The following OR5H14 variants were observed in gnomAD, a reference collection of about 807,000 sequenced individuals.
The protein encoded by OR5H14 is olfactory receptor family 5 subfamily H member 14.
For synonymous variants in OR5H14, 155 were observed against 130.6 expected (o/e 1.19, Z -1.28); for missense variants, 392 against 363.9 (o/e 1.08, Z -0.63).
rs765797283 is a variant in OR5H14 at position 98,150,072 on chromosome 3, G to A, written c.687G>A (p.Lys229=). Residue 229 remains lysine (K), a synonymous_variant, in exon 2 of 2, where the codon AAG becomes AAA. Transcript: ENST00000641380. ...TCCTCTATACAATCTTGAAAAAGAA[G>A]TCTGTCAAAGGTATGAGAAAAGCCT... ...IFVLYTILKK[K]SVKGMRKAFS... The A allele has an allele frequency of 7.4e-6, 12 of 1,610,780 alleles. No individual in the cohort carries two copies. The East Asian group carries it at 2.7e-4, about 36-fold the overall frequency.
At position 98,151,170 on chromosome 3, in the gene OR5H14, A is replaced by AT. The variant is rs903342985; in HGVS notation, c.*856dup. ...CAGAAAAAAAGATGAAACTACTAAG[A>AT]TTTTAAAAACCAGTGATGTTACAAG... On this transcript the variant is annotated 3_prime_UTR_variant, in exon 2 of 2. Transcript: ENST00000641380. The AT allele has an allele frequency of 6.6e-6, 1 of 152,172 alleles. No individual in the cohort carries two copies. The highest frequency in any genetic ancestry group is 1.5e-5 in the Non-Finnish European group (1 of 68,018). The allele number at this position is 152,172 out of a possible 1,614,324, so 9.4% of individuals were successfully genotyped here.
At position 98,149,907 on chromosome 3, in the gene OR5H14, A is replaced by G. The variant is rs1263851165; in HGVS notation, c.522A>G (p.Ile174Met). The G allele has an allele frequency of 6.2e-7, 1 of 1,613,338 alleles. No homozygotes were observed. Among genetic ancestry groups the G allele is most frequent in the Non-Finnish European group, 8.5e-7 (1 of 1,179,726 alleles). The stretch of plus-strand genomic sequence containing the variant: ...TAACCTTCTGTAACTCCAACATAAT[A>G]CAACACTTTTACTGTGACATTATCC... ...FRLTFCNSNI[I>M]QHFYCDIIPL... Residue 174 changes from isoleucine to methionine, a missense_variant, in exon 2 of 2, where the codon ATA becomes ATG. Physicochemically the swap from Ile to Met is conservative, Grantham distance 10. Transcript: ENST00000641380.
At chr3:98,148,231 C>A (rs546893227) in intron 1 of OR5H14, 3 of 151,986 alleles carry the variant, frequency 2.0e-5, no homozygotes, top group African/African-American at 7.2e-5. Context: ...TAGATAACCT[C>A]CAACAGCTGC....
rs940969950 is a variant in OR5H14, at chr3:98,154,768, G to T, written c.*4450G>T. The T allele has an allele frequency of 3.9e-5, 6 of 152,192 alleles. No homozygotes were observed. The highest frequency in any genetic ancestry group is 1.4e-4 in the African/African-American group (6 of 41,458). The allele number at this position is 152,192 out of a possible 1,614,324, so 9.4% of individuals were successfully genotyped here. A position where few individuals can be genotyped will look rare whatever the true frequency, so the allele number is the denominator to read the frequency against. On this transcript the variant is annotated 3_prime_UTR_variant, in exon 2 of 2. Coordinates refer to ENST00000641380, the MANE Select transcript of OR5H14 (RefSeq NM_001005514.2). ...AGGCAGTGCTTCTAATCTCCAAGCT[G>T]CCCTTCTTCATTCCTGAGTGTAGGT...
chr3:98,153,100 A>AT lies in OR5H14; in HGVS notation c.*2783dup, dbSNP rs1178799353. ...TTTTATTGGACACTTTGTTTTTGCC[A>AT]TGTTAATCATATAGAGAAAATCTGG... On this transcript the variant is annotated 3_prime_UTR_variant, in exon 2 of 2. Coordinates refer to ENST00000641380, the MANE Select transcript of OR5H14 (RefSeq NM_001005514.2). The AT allele has an allele frequency of 1.3e-5, 2 of 152,114 alleles. No individual in the cohort carries two copies. Among genetic ancestry groups the AT allele is most frequent in the African/African-American group, 4.8e-5 (2 of 41,424 alleles). The allele number at this position is 152,114 out of a possible 1,614,324, so 9.4% of individuals were successfully genotyped here. A position where few individuals can be genotyped will look rare whatever the true frequency, so the allele number is the denominator to read the frequency against.
Position 98,150,258 on chromosome 3 carries a change from C to T in OR5H14, c.873C>T (p.Ser291=), listed in dbSNP as rs200087240. The change falls in exon 2 of 2, where the codon AGC becomes AGT. Residue 291 remains serine (S), a synonymous_variant. Coordinates refer to ENST00000641380, the MANE Select transcript of OR5H14 (RefSeq NM_001005514.2). ...CTTTATTAAATCCCATGATCTACAG[C>T]CTGAGAAACAAGCAAGTAATAGCTT... ...IVPLLNPMIY[S]LRNKQVIASF... is the part of the protein sequence containing the mutation. 1 of 1,602,868 alleles carries T rather than the reference C, an allele frequency of 6.2e-7. No homozygotes were observed. Among genetic ancestry groups the T allele is most frequent in the African/African-American group, 1.3e-5 (1 of 74,352 alleles).
rs1171958679 is a variant in OR5H14 at position 98,152,067 on chromosome 3, C to T, written c.*1749C>T. Reference sequence around the variant, plus strand: ...ATGTGAAAACCTTGTCATCACTGGTCATTACAGAAATGCAAATCAAAACCA... The same window carrying T: ...ATGTGAAAACCTTGTCATCACTGGTTATTACAGAAATGCAAATCAAAACCA... On this transcript the variant is annotated 3_prime_UTR_variant, in exon 2 of 2. Coordinates refer to ENST00000641380, the MANE Select transcript of OR5H14 (RefSeq NM_001005514.2). The T allele has an allele frequency of 2.0e-5, 3 of 152,148 alleles. No homozygotes were observed. Among genetic ancestry groups the T allele is most frequent in the Admixed American group, 1.3e-4 (2 of 15,276 alleles). 9.4% of individuals were successfully genotyped at this position (152,148 alleles called of 1,614,324 possible).
Position 98,149,569 on chromosome 3 carries a change from C to A in OR5H14, c.184C>A (p.Leu62Ile), listed in dbSNP as rs1160583577. 5 of 1,613,444 alleles carry A rather than the reference C, an allele frequency of 3.1e-6. No homozygotes were observed. In the Admixed American group the frequency reaches 8.3e-5, roughly 27 times the overall value. ...TCATCTTCATATCCCAATGTACTTA[C>A]TCCTTGGGAATTTAGCTTTTGTGGA... is the stretch of plus-strand genomic sequence containing the variant. ...DPHLHIPMYL[L>I]LGNLAFVDAL... The change falls in exon 2 of 2, where the codon CTC becomes ATC. Residue 62 changes from leucine to isoleucine, a missense_variant. Leu to Ile is a conservative substitution (Grantham distance 5). Transcript: ENST00000641380.
At position 98,154,533 on chromosome 3, in the gene OR5H14, G is replaced by A. The variant is rs75071662; in HGVS notation, c.*4215G>A. 22,404 of 141,914 alleles carry A rather than the reference G, an allele frequency of 0.16. No individual in the cohort carries two copies. Among genetic ancestry groups the A allele is most frequent in the East Asian group, 0.35 (1,612 of 4,598 alleles). 8.8% of individuals were successfully genotyped at this position (141,914 alleles called of 1,614,324 possible). ...AAGGTGGTTAAAGAAGGCAGGCCTG[G>A]TTCATCTGAGGACGTGACTTTATAA... On this transcript the variant is annotated 3_prime_UTR_variant, in exon 2 of 2. Coordinates refer to ENST00000641380, the MANE Select transcript of OR5H14 (RefSeq NM_001005514.2).
At position 98,154,645 on chromosome 3, in the gene OR5H14, T is replaced by A. The variant is rs1473596756; in HGVS notation, c.*4327T>A. 6.6e-6 allele frequency: 1 copy of A among 152,210 alleles called. No homozygotes were observed. The highest frequency in any genetic ancestry group is 2.4e-5 in the African/African-American group (1 of 41,456). The allele number at this position is 152,210 out of a possible 1,614,324, so 9.4% of individuals were successfully genotyped here. A position where few individuals can be genotyped will look rare whatever the true frequency, so the allele number is the denominator to read the frequency against. Reference sequence around the variant, plus strand: ...AGATGCAGAGTGACAAGATAGAGTATGATAGAATGAAATATAGTTGAAACC... The same window carrying A: ...AGATGCAGAGTGACAAGATAGAGTAAGATAGAATGAAATATAGTTGAAACC... On this transcript the variant is annotated 3_prime_UTR_variant, in exon 2 of 2. Coordinates refer to ENST00000641380, the MANE Select transcript of OR5H14 (RefSeq NM_001005514.2).
Position 98,149,487 on chromosome 3 carries a change from A to G in OR5H14, c.102A>G (p.Ile34Met), listed in dbSNP as rs373319419. Residue 34 changes from isoleucine to methionine, a missense_variant, in exon 2 of 2, where the codon ATA becomes ATG. Coordinates refer to ENST00000641380, the MANE Select transcript of OR5H14 (RefSeq NM_001005514.2). ...CCCTGTTCCTGGCATTCTTGGTAAT[A>G]TATCTCATCACCATCATGGGGAATC... The part of the protein sequence containing the change: ...KIPLFLAFLV[I>M]YLITIMGNLG... 2.2e-5 allele frequency: 36 copies of G among 1,613,496 alleles called. No homozygotes were observed. Among genetic ancestry groups the G allele is most frequent in the Non-Finnish European group, 3.0e-5 (35 of 1,179,550 alleles).
chr3:98,149,341 C>T (rs755624554), intron 1 of OR5H14, 27 bp from the exon 2 acceptor site: 3 of 1,600,132 alleles, frequency 1.9e-6, no homozygotes, highest in Non-Finnish European at 1.7e-6. Context: ...GCAGATGTTC[C>T]CTTTCATTTG....
rs75393586 is a variant in OR5H14, at chr3:98,154,536, C to T, written c.*4218C>T. 1 of 151,566 alleles carries T rather than the reference C, an allele frequency of 6.6e-6. No individual in the cohort carries two copies. The highest frequency in any genetic ancestry group is 2.4e-5 in the African/African-American group (1 of 41,182). The allele number at this position is 151,566 out of a possible 1,614,324, so 9.4% of individuals were successfully genotyped here. ...GTGGTTAAAGAAGGCAGGCCTGGTT[C>T]ATCTGAGGACGTGACTTTATAAGGC... On this transcript the variant is annotated 3_prime_UTR_variant, in exon 2 of 2. Coordinates refer to ENST00000641380, the MANE Select transcript of OR5H14 (RefSeq NM_001005514.2).
Position 98,149,704 on chromosome 3 carries a change from A to G in OR5H14, c.319A>G (p.Ser107Gly), listed in dbSNP as rs200788532. Residue 107 changes from serine to glycine, a missense_variant, in exon 2 of 2, where the codon AGT becomes GGT. Ser to Gly is a moderately conservative substitution (Grantham distance 56). Coordinates refer to ENST00000641380, the MANE Select transcript of OR5H14 (RefSeq NM_001005514.2). The part of the protein sequence containing the change: ...CKIQLFSFAI[S>G]VTTECFLLAT... ...GATACAGTTGTTTTCGTTTGCAATC[A>G]GTGTAACCACGGAATGTTTTCTCTT... The G allele has an allele frequency of 3.4e-3, 5,465 of 1,610,226 alleles. 207 individuals are homozygous for G. In the African/African-American group the frequency reaches 0.059, roughly 17 times the overall value.
Position 98,149,431 on chromosome 3 carries a change from G to A in OR5H14, c.46G>A (p.Gly16Arg), listed in dbSNP as rs1559807671. ...ATLLTEFVLT[G>R]FLYQPQWKIP... ...ATTGCTGACAGAGTTTGTTCTCACA[G>A]GATTTTTATATCAACCACAGTGGAA... The change falls in exon 2 of 2, where the codon GGA (glycine) becomes AGA (arginine). Residue 16 changes from glycine (G) to arginine (R), a missense_variant. Physicochemically the swap from Gly to Arg is moderately radical, Grantham distance 125. Transcript: ENST00000641380. 6.2e-7 allele frequency: 1 copy of A among 1,613,110 alleles called. No homozygotes were observed. Among genetic ancestry groups the A allele is most frequent in the African/African-American group, 1.3e-5 (1 of 74,850 alleles).
At position 98,147,557 on chromosome 3, in the gene OR5H14, A is replaced by G. The variant is rs1451751511; in HGVS notation, c.-19+3A>G. 6.6e-6 allele frequency: 1 copy of G among 152,112 alleles called. No individual in the cohort carries two copies. Among genetic ancestry groups the G allele is most frequent in the East Asian group, 1.9e-4 (1 of 5,192 alleles). 9.4% of individuals were successfully genotyped at this position (152,112 alleles called of 1,614,324 possible). A position where few individuals can be genotyped will look rare whatever the true frequency, so the allele number is the denominator to read the frequency against. ...CACAATTTCTTTCAAAAATATGGGT[A>G]AGGAAGAAATAATTTTTGTAATTTT... On this transcript the variant is annotated splice_donor_region_variant and intron_variant, in intron 1 of 1. Transcript: ENST00000641380.
rs1030624881 is a variant in OR5H14, at chr3:98,151,743, AAGT to A, written c.*1426_*1428del. ...CGTTAAAAAGAAACTTTTTTGGCTA[AAGT>A]GGAGCAGTAGCGTTATTTGGATTAT... On this transcript the variant is annotated 3_prime_UTR_variant, in exon 2 of 2. Transcript: ENST00000641380. 2 of 152,114 alleles carry A rather than the reference AAGT, an allele frequency of 1.3e-5. No homozygotes were observed. Among genetic ancestry groups the A allele is most frequent in the Non-Finnish European group, 2.9e-5 (2 of 68,032 alleles). 9.4% of individuals were successfully genotyped at this position (152,114 alleles called of 1,614,324 possible).
rs1708567586 is a variant in OR5H14 at position 98,155,076 on chromosome 3, A to G, written c.*4758A>G. 1 of 152,236 alleles carries G rather than the reference A, an allele frequency of 6.6e-6. No homozygotes were observed. Among genetic ancestry groups the G allele is most frequent in the Non-Finnish European group, 1.5e-5 (1 of 68,046 alleles). The allele number at this position is 152,236 out of a possible 1,614,324, so 9.4% of individuals were successfully genotyped here. Reference sequence around the variant, plus strand: ...GAATTCTGATAAATCAGCTGGCAACATTCAGAATGGTAAAAGGACTCCTCT... The same window carrying G: ...GAATTCTGATAAATCAGCTGGCAACGTTCAGAATGGTAAAAGGACTCCTCT... On this transcript the variant is annotated 3_prime_UTR_variant, in exon 2 of 2. Transcript: ENST00000641380.
rs755127103 is a variant in OR5H14, at chr3:98,149,649, G to A, written c.264G>A (p.Lys88=). The A allele has an allele frequency of 5.0e-6, 8 of 1,613,572 alleles. No homozygotes were observed. The highest frequency in any genetic ancestry group is 5.1e-6 in the Non-Finnish European group (6 of 1,179,598). Residue 88 remains lysine, a synonymous_variant, in exon 2 of 2, where the codon AAG becomes AAA. Coordinates refer to ENST00000641380, the MANE Select transcript of OR5H14 (RefSeq NM_001005514.2). The part of the protein sequence containing the change: ...TLKMLINFLA[K]SKMISLSECK... ...AGATGCTGATCAACTTCTTAGCTAA[G>A]AGTAAGATGATATCTCTCTCTGAAT...
Sources: gnomAD v4.1 joint callset for allele counts on GRCh38, gnomAD v4.1.1 for gene constraint, MANE v1.5 for transcripts, NCBI Gene and HGNC (gene_info 2026-07-23, HGNC 2026-07-21) for gene names.